The following MACROD2 variants were observed in gnomAD, a reference collection of about 807,000 sequenced individuals.
MACROD2 encodes ADP-ribose glycohydrolase MACROD2.
In MACROD2, 36 loss-of-function variants were observed where a neutral mutation model predicts 70.4. That is an observed-to-expected ratio of 0.51 (90% confidence interval 0.39 to 0.68). MACROD2 has a LOEUF of 0.68. Ranked by LOEUF, MACROD2 falls within the 30% of genes least tolerant of loss-of-function variation. The probability of loss-of-function intolerance (pLI) is 0.00; values close to 1 mark genes in which losing one functional copy is unlikely to be tolerated. For missense variants in MACROD2, 496 were observed against 538.4 expected, an observed-to-expected ratio of 0.92 and a Z score of 0.78; for synonymous variants, 172 against 178.8, an observed-to-expected ratio of 0.96 and a Z score of 0.30.
intron 4 of MACROD2, among the ~76,000 whole-genome samples, chr20:14,583,123 C>T (rs180849318): frequency 1.3e-5 from 2 of 152,296 alleles, no homozygotes; most frequent in Non-Finnish European, 1.5e-5. Flanking sequence ...CTTGGCCTCT[C>T]TCTAACTTGA....
At chr20:14,585,211 G>A (rs1981295711) in intron 4 of MACROD2, among the ~76,000 whole-genome samples, 1 of 152,144 alleles carries the variant, frequency 6.6e-6, no homozygotes, top group Non-Finnish European at 1.5e-5. Context: ...ATTGGAAGGG[G>A]ATCTAGCAAG....
At chr20:15,124,036 G>A (rs1448845535) in intron 5 of MACROD2, among the ~76,000 whole-genome samples, 4 of 151,984 alleles carry the variant, frequency 2.6e-5, no homozygotes, top group African/African-American at 9.7e-5. Flanking sequence ...TCATTCTACT[G>A]ATTATTTTCT....
At chr20:14,978,885 ATATATATATTATAT>A (rs2074769349) in intron 5 of MACROD2, among the ~76,000 whole-genome samples, 2 of 13,174 alleles carry the variant, frequency 1.5e-4, no homozygotes, top group Non-Finnish European at 3.3e-4. Context: ...AATATATAAA[ATATATATATTATAT>A]AATATATTAT....
chr20:14,301,247 TG>T (rs1439186610), intron 3 of MACROD2, among the ~76,000 whole-genome samples: 1 of 152,120 alleles, frequency 6.6e-6, no homozygotes, highest in African/African-American at 2.4e-5. Flanking sequence ...AAGAAAGATT[TG>T]CATGTGAATA....
At chr20:15,408,885 T>A (rs2046040028) in intron 6 of MACROD2, among the ~76,000 whole-genome samples, 1 of 152,238 alleles carries the variant, frequency 6.6e-6, no homozygotes, top group Non-Finnish European at 1.5e-5. Context: ...TTTTATCTCT[T>A]CTGCTTCAAG....
chr20:14,812,176 C>A (rs769570544), intron 5 of MACROD2, among the ~76,000 whole-genome samples: 2 of 152,086 alleles, frequency 1.3e-5, no homozygotes, highest in African/African-American at 4.8e-5. Context: ...TGGAACCCAC[C>A]CAAATGTTCA....
At chr20:15,971,535 C>G (rs939859355) in intron 13 of MACROD2, among the ~76,000 whole-genome samples, 1 of 152,126 alleles carries the variant, frequency 6.6e-6, no homozygotes, top group African/African-American at 2.4e-5. Context: ...TCCATTAAAC[C>G]TCTTTTTCTT....
chr20:15,162,050 A>T (rs374134743), intron 5 of MACROD2, among the ~76,000 whole-genome samples: 2 of 152,110 alleles, frequency 1.3e-5, no homozygotes, highest in African/African-American at 2.4e-5. Flanking sequence ...AATAAAGAAG[A>T]TAAAATACAG....
chr20:14,940,477 T>C (rs1216087883), intron 5 of MACROD2, among the ~76,000 whole-genome samples: 1 of 152,222 alleles, frequency 6.6e-6, no homozygotes, highest in Non-Finnish European at 1.5e-5. Flanking sequence ...TGTCTTGTTC[T>C]AGATCTTAGA....
At chr20:15,787,248 A>G (rs182473062) in intron 8 of MACROD2, among the ~76,000 whole-genome samples, 149 of 152,336 alleles carry the variant, frequency 9.8e-4, no homozygotes, top group African/African-American at 3.6e-3. Flanking sequence ...CTGGGATTAC[A>G]GGCCGAAGAA....
At chr20:15,271,393 C>T (rs535605267) in intron 6 of MACROD2, among the ~76,000 whole-genome samples, 47 of 152,204 alleles carry the variant, frequency 3.1e-4, no homozygotes, top group Non-Finnish European at 5.1e-4. Flanking sequence ...ATCAACTTGG[C>T]GATTAAGTTT....
chr20:14,447,976 A>ATGTGTG (rs11087090), intron 3 of MACROD2, among the ~76,000 whole-genome samples: 3,075 of 143,194 alleles, frequency 0.021, 27 homozygotes, highest in Admixed American at 0.031. Flanking sequence ...ACCCATGAAA[A>ATGTGTG]TGTGTGTGTG....
At chr20:15,577,715 A>G (rs895773746) in intron 8 of MACROD2, among the ~76,000 whole-genome samples, 5 of 152,166 alleles carry the variant, frequency 3.3e-5, no homozygotes. Context: ...ACATGTACTC[A>G]TATTCATAAA....
chr20:15,647,318 G>A (rs1394071274), intron 8 of MACROD2, among the ~76,000 whole-genome samples: 1 of 152,162 alleles, frequency 6.6e-6, no homozygotes, highest in African/African-American at 2.4e-5. Flanking sequence ...AACAGCCTGG[G>A]CAAAAGCACA....
chr20:15,527,952 T>C (rs1300398229), intron 8 of MACROD2, among the ~76,000 whole-genome samples: 1 of 152,198 alleles, frequency 6.6e-6, no homozygotes, highest in Non-Finnish European at 1.5e-5. Context: ...AAGTTCCCAG[T>C]AGAAAGCAAG....
In MACROD2 at chr20:15,730,917, A is replaced by T; in HGVS notation, c.646-131828A>T. On this transcript the variant is annotated intron_variant, in intron 8 of 17. Coordinates refer to ENST00000684519, the MANE Select transcript of MACROD2 (RefSeq NM_001351661.2). ...TTTGTCTGACTAAATTAGTTCAGAG[A>T]ACTGGTCTTCGAGCTCTGAGATTCT... Among the ~76,000 whole-genome samples, 2 of 11,738 alleles carry T rather than the reference A, an allele frequency of 1.7e-4. 1 individual carries two copies. Among genetic ancestry groups the T allele is most frequent in the Non-Finnish European group, 7.5e-4 (2 of 2,680 alleles). 7.7% of individuals were successfully genotyped at this position (11,738 alleles called of 152,430 possible). A position where few individuals can be genotyped will look rare whatever the true frequency, so the allele number is the denominator to read the frequency against.
chr20:15,318,348 C>G (rs2077837006), intron 6 of MACROD2, among the ~76,000 whole-genome samples: 1 of 152,060 alleles, frequency 6.6e-6, no homozygotes, highest in Non-Finnish European at 1.5e-5. Flanking sequence ...CACTTCCCAA[C>G]AAAGAAAAGC....
chr20:15,264,628 A>C (rs926378901), intron 6 of MACROD2, among the ~76,000 whole-genome samples: 19 of 152,180 alleles, frequency 1.2e-4, no homozygotes, highest in African/African-American at 4.6e-4. Flanking sequence ...AGGATGTCTT[A>C]TTCTGCGGAT....
At chr20:15,678,542 G>C (rs189551176) in intron 8 of MACROD2, among the ~76,000 whole-genome samples, 5 of 152,058 alleles carry the variant, frequency 3.3e-5, no homozygotes, top group Non-Finnish European at 7.4e-5. Flanking sequence ...TGTATTTTTA[G>C]TAGAGACGAG....
Sources: gnomAD v4.1 joint callset for allele counts (sites outside exome capture counted in the v4.1 genomes callset) on GRCh38, gnomAD v4.1.1 for gene constraint, MANE v1.5 for transcripts, NCBI Gene and HGNC (gene_info 2026-07-23, HGNC 2026-07-21) for gene names.